MID1: variants seen among roughly 807,000 people sequenced by gnomAD.
MID1 encodes the protein E3 ubiquitin-protein ligase Midline-1.
Under a neutral mutation model 40.4 loss-of-function variants are expected in MID1, and 7 were observed. The observed-to-expected ratio is 0.17, with a 90% CI of 0.10 to 0.33. The LOEUF (loss-of-function observed/expected upper bound fraction) is 0.33. Among genes scored for constraint, MID1 ranks in the 10% least tolerant of loss-of-function variants. MID1 has a pLI of 1.00. For synonymous variants in MID1, 229 were observed against 221.2 expected, an observed-to-expected ratio of 1.04 and a Z score of -0.31; for missense variants, 367 against 558.5, an observed-to-expected ratio of 0.66 and a Z score of 3.46.
intron 6 of MID1, among the ~76,000 whole-genome samples, chrX:10,473,563 CAT>C (rs1929832108): frequency 8.9e-6 from 1 of 112,257 alleles, no homozygotes; most frequent in Non-Finnish European, 1.9e-5. Context: ...TAAAAACAAA[CAT>C]CACACAATGT....
At chrX:10,673,113 T>C (rs1297978198) in intron 1 of MID1, among the ~76,000 whole-genome samples, 1 of 112,014 alleles carries the variant, frequency 8.9e-6, no homozygotes, top group Non-Finnish European at 1.9e-5. Context: ...GACTATACTA[T>C]GAGAGTACCA....
At chrX:10,540,788 C>T (rs1009408614) in intron 2 of MID1, among the ~76,000 whole-genome samples, 3 of 111,909 alleles carry the variant, frequency 2.7e-5, no homozygotes, top group South Asian at 7.5e-4. Context: ...GGACAAGACC[C>T]AGGTTGCTCT....
chrX:10,783,234 C>T (rs112610994), intron 1 of MID1, among the ~76,000 whole-genome samples: 4,115 of 111,049 alleles, frequency 0.037, 168 homozygotes, highest in African/African-American at 0.12. Context: ...ATCTTGGTGC[C>T]GTATTTCAAG....
At chrX:10,588,752 G>A (rs1431078004) in intron 1 of MID1, among the ~76,000 whole-genome samples, 1 of 110,348 alleles carries the variant, frequency 9.1e-6, no homozygotes, top group Non-Finnish European at 1.9e-5. Flanking sequence ...CTACTGTGGG[G>A]GGAAGGGGAT....
intron 1 of MID1, among the ~76,000 whole-genome samples, chrX:10,784,570 C>T (rs1025670630): frequency 8.1e-4 from 87 of 107,402 alleles, no homozygotes; most frequent in Non-Finnish European, 1.3e-3. Context: ...CTCAGCCTCC[C>T]GAGTACCTGG....
intron 1 of MID1, among the ~76,000 whole-genome samples, chrX:10,739,776 A>G (rs1022646559): frequency 1.8e-5 from 2 of 112,363 alleles, no homozygotes; most frequent in Non-Finnish European, 3.8e-5. Context: ...ATGGAGAAAC[A>G]GAAAACCAAT....
intron 1 of MID1, among the ~76,000 whole-genome samples, chrX:10,581,267 A>C (rs949081048): frequency 2.7e-5 from 3 of 110,093 alleles, no homozygotes; most frequent in Admixed American, 9.5e-5. Flanking sequence ...ACAAAACAAA[A>C]ACAAAAAACA....
intron 1 of MID1, among the ~76,000 whole-genome samples, chrX:10,650,771 T>C (rs1383830437): frequency 4.5e-5 from 5 of 111,610 alleles, no homozygotes; most frequent in Non-Finnish European, 3.8e-5. Context: ...AGTAATACCT[T>C]TATATGGCTT....
At chrX:10,604,255 A>C (rs1602461659) in intron 1 of MID1, among the ~76,000 whole-genome samples, 1 of 111,827 alleles carries the variant, frequency 8.9e-6, no homozygotes, top group Admixed American at 9.5e-5. Context: ...ATAAATAATT[A>C]GTCTTTAAAT....
chrX:10,822,068 TA>T (rs1416701730), intron 1 of MID1, among the ~76,000 whole-genome samples: 1 of 110,765 alleles, frequency 9.0e-6, no homozygotes, highest in Non-Finnish European at 1.9e-5. Flanking sequence ...TCTTGTAAAT[TA>T]TTATACTTGA....
chrX:10,803,576 C>G (rs1172835268), intron 1 of MID1, among the ~76,000 whole-genome samples: 1 of 111,293 alleles, frequency 9.0e-6, no homozygotes, highest in Non-Finnish European at 1.9e-5. Context: ...TGGTGTTGAA[C>G]TCCTGACCTT....
At chrX:10,809,601 A>T (rs2044080023) in intron 1 of MID1, among the ~76,000 whole-genome samples, 1 of 111,665 alleles carries the variant, frequency 9.0e-6, no homozygotes, top group South Asian at 3.8e-4. Context: ...TGCAGCCATA[A>T]AAAAGGATGA....
intron 4 of MID1, among the ~76,000 whole-genome samples, chrX:10,488,191 T>C (rs780601410): frequency 1.4e-4 from 15 of 110,470 alleles, no homozygotes; most frequent in East Asian, 8.5e-4. Flanking sequence ...CCATGTTGCC[T>C]AGGCTGGTCT....
chrX:10,730,776 G>T (rs1470505881), intron 1 of MID1, among the ~76,000 whole-genome samples: 1 of 109,505 alleles, frequency 9.1e-6, no homozygotes, highest in African/African-American at 3.3e-5. Context: ...GGGTTTCACC[G>T]TATTAGCCAG....
At chrX:10,603,124 TC>T (rs1183507296) in intron 1 of MID1, among the ~76,000 whole-genome samples, 10 of 112,574 alleles carry the variant, frequency 8.9e-5, no homozygotes, top group African/African-American at 2.9e-4. Context: ...TGAATCCTCA[TC>T]CCCTTCTTTT....
intron 2 of MID1, among the ~76,000 whole-genome samples, chrX:10,565,848 C>T (rs1294740611): frequency 1.0e-5 from 1 of 96,184 alleles, no homozygotes; most frequent in African/African-American, 4.0e-5. Flanking sequence ...CTCGCTCTTT[C>T]ACCCAGGCTG....
At chrX:10,612,188 T>C (rs1002568168) in intron 1 of MID1, among the ~76,000 whole-genome samples, 2 of 112,050 alleles carry the variant, frequency 1.8e-5, no homozygotes, top group African/African-American at 6.5e-5. Context: ...TAATAGTCTA[T>C]CATGTTTTTA....
chrX:10,602,024 A>T (rs1206853316), intron 1 of MID1, among the ~76,000 whole-genome samples: 1 of 107,403 alleles, frequency 9.3e-6, no homozygotes, highest in Non-Finnish European at 1.9e-5. Flanking sequence ...CAGCCTCCCG[A>T]GTAGCTGGGA....
chrX:10,496,577 A>C (rs1775517998), intron 3 of MID1, among the ~76,000 whole-genome samples: 1 of 112,749 alleles, frequency 8.9e-6, no homozygotes, highest in African/African-American at 3.2e-5. Context: ...CCACAGGAGA[A>C]GTTGCAATGT....
Sources: allele counts gnomAD v4.1 joint callset (sites outside exome capture counted in the v4.1 genomes callset), GRCh38; gene constraint gnomAD v4.1.1; transcripts MANE v1.5; gene names NCBI Gene and HGNC (gene_info 2026-07-23, HGNC 2026-07-21).